ACAP1: variants seen among roughly 807,000 people sequenced by gnomAD.
ACAP1 encodes arf-GAP with coiled-coil, ANK repeat and PH domain-containing protein 1.
ACAP1 carries 45 observed loss-of-function variants against 98.8 expected under a neutral mutation model. That is an observed-to-expected ratio of 0.46 (90% CI 0.36 to 0.58). The LOEUF is 0.58. Ranked by LOEUF, ACAP1 falls within the 20% of genes least tolerant of loss-of-function variation. The pLI is 0.00. For synonymous variants in ACAP1, 362 were observed against 375.3 expected (o/e 0.96, Z 0.41); for missense variants, 735 against 971.4 (o/e 0.76, Z 3.24).
At chr17:7,341,272 C>G (rs1234966318) in intron 2 of ACAP1, among the ~76,000 whole-genome samples, 3 of 152,086 alleles carry the variant, frequency 2.0e-5, no homozygotes, top group Admixed American at 2.0e-4. Flanking sequence ...TGCCTTAGCC[C>G]CCCAGGTAAC....
intron 14 of ACAP1, 109 bp from the exon 15 acceptor site, chr17:7,347,813 C>T: frequency 1.1e-6 from 1 of 885,830 alleles, no homozygotes; most frequent in South Asian, 1.4e-5. Context: ...AGCACCTCTG[C>T]ACGGGCCCCC....
rs1285843374 is a variant in ACAP1, at chr17:7,348,408, G to A, written c.1611G>A (p.Arg537=). ...RGRRGGRGRP[R]GQPPVPPKPS... is the part of the protein sequence containing the mutation. ...GAAGAGGTGGCCGGGGGCGCCCAAGGGGGCAGCCTCCTGTGCCCCCAAAGC... is the reference window on the plus strand; with the variant it reads ...GAAGAGGTGGCCGGGGGCGCCCAAGAGGGCAGCCTCCTGTGCCCCCAAAGC... Residue 537 remains arginine (R), a synonymous_variant, in exon 17 of 22, where the codon AGG becomes AGA. Coordinates refer to ENST00000158762, the MANE Select transcript of ACAP1 (RefSeq NM_014716.4). 1.3e-6 allele frequency: 2 copies of A among 1,540,006 alleles called. No homozygotes were observed. Among genetic ancestry groups the A allele is most frequent in the Middle Eastern group, 3.5e-4 (2 of 5,752 alleles).
intron 2 of ACAP1, among the ~76,000 whole-genome samples, chr17:7,341,105 G>A (rs1284277316): frequency 6.6e-6 from 1 of 152,220 alleles, no homozygotes; most frequent in Non-Finnish European, 1.5e-5. Context: ...AACGTGCAGT[G>A]AGCACAGAAT....
Position 7,351,288 on chromosome 17 carries a change from C to G in ACAP1, c.2123-7C>G. ...AGCCGCCTCCCGGCCTTTCCTCCCT[C>G]CCCCAGGAGATGAGACGTATCTTGA... On this transcript the variant is annotated splice_region_variant and splice_polypyrimidine_tract_variant and intron_variant, in intron 21 of 21. Transcript: ENST00000158762. 6.2e-7 allele frequency: 1 copy of G among 1,609,952 alleles called. No individual in the cohort carries two copies. Among genetic ancestry groups the G allele is most frequent in the African/African-American group, 1.3e-5 (1 of 74,972 alleles).
intron 2 of ACAP1, among the ~76,000 whole-genome samples, chr17:7,340,825 A>G (rs1367692635): frequency 6.6e-6 from 1 of 152,174 alleles, no homozygotes; most frequent in Non-Finnish European, 1.5e-5. Context: ...CAGCTTGGGC[A>G]ACGGAGCAAA....
chr17:7,350,472 C>A lies in ACAP1; in HGVS notation c.2072+235C>A, dbSNP rs561440152. On this transcript the variant is annotated intron_variant, in intron 20 of 21. Transcript: ENST00000158762. The surrounding 1 kb of genome is among the most constrained non-coding windows in gnomAD (Gnocchi z 4.6). ...GCAGGGTGCAAGGATGCTTGGCCCA[C>A]CCTGAGAGGCGTAATTCGCCCATCA... The A allele has an allele frequency of 1.0e-4, 59 of 573,716 alleles. No individual in the cohort carries two copies. In the East Asian group the frequency reaches 1.7e-3, roughly 17 times the overall value. 35.5% of individuals were successfully genotyped at this position (573,716 alleles called of 1,614,324 possible). A position where few individuals can be genotyped will look rare whatever the true frequency, so the allele number is the denominator to read the frequency against.
rs756716611 is a variant in ACAP1, at chr17:7,336,756, G to A, written c.22G>A (p.Glu8Lys). ...TGAGATGACGGTCAAGCTGGATTTC[G>A]AGGAGTGTCTCAAGGACTCACCCCG... MTVKLDF[E>K]ECLKDSPRFR... Residue 8 changes from glutamate to lysine, a missense_variant, in exon 1 of 22, where the codon GAG becomes AAG. Physicochemically the swap from Glu to Lys is moderately conservative, Grantham distance 56 (BLOSUM62 1). Transcript: ENST00000158762. The A allele has an allele frequency of 8.1e-6, 13 of 1,613,802 alleles. No homozygotes were observed. Among genetic ancestry groups the A allele is most frequent in the African/African-American group, 1.3e-5 (1 of 74,900 alleles).
intron 14 of ACAP1, chr17:7,347,553 G>A (rs186965930): frequency 1.1e-4 from 56 of 505,786 alleles, no homozygotes; most frequent in South Asian, 6.4e-4. Context: ...GCAGAGAAAC[G>A]GTCATGAGGC....
Position 7,343,396 on chromosome 17 carries a change from G to T in ACAP1, c.362G>T (p.Arg121Leu), listed in dbSNP as rs184747187. The T allele has an allele frequency of 6.2e-7, 1 of 1,613,238 alleles. No homozygotes were observed. Residue 121 changes from arginine to leucine, a missense_variant, in exon 6 of 22, where the codon CGA (arginine) becomes CTA (leucine). Transcript: ENST00000158762. This position sits in a 1 kb window ranked among gnomAD's most constrained non-coding sequence, Gnocchi z 4.9. The part of the protein sequence containing the change: ...TLVKEGLRGF[R>L]EARRDFWRGA... ...ATCCTCAGAGGTCTGCGGGGTTTCC[G>T]AGAGGCTCGCCGGGATTTCTGGCGG...
Position 7,350,964 on chromosome 17 carries a change from A to C in ACAP1, c.2087A>C (p.Lys696Thr). ...ADIVTLLRLA[K>T]MREAEAAQGQ... is the part of the protein sequence containing the mutation. ...CTCCTCTTCAGGCTACGACTGGCAA[A>C]GATGAGGGAGGCTGAAGCGGCCCAG... The change falls in exon 21 of 22, where the codon AAG becomes ACG. Residue 696 changes from lysine (K) to threonine (T), a missense_variant. Physicochemically the swap from Lys to Thr is moderately conservative, Grantham distance 78. Coordinates refer to ENST00000158762, the MANE Select transcript of ACAP1 (RefSeq NM_014716.4). The surrounding 1 kb of genome is among the most constrained non-coding windows in gnomAD (Gnocchi z 4.6). The C allele has an allele frequency of 6.2e-7, 1 of 1,614,178 alleles. No homozygotes were observed. Among genetic ancestry groups the C allele is most frequent in the East Asian group, 2.2e-5 (1 of 44,880 alleles).
At chr17:7,340,946 G>T (rs1002908563) in intron 2 of ACAP1, among the ~76,000 whole-genome samples, 1 of 152,102 alleles carries the variant, frequency 6.6e-6, no homozygotes, top group Non-Finnish European at 1.5e-5. Flanking sequence ...CTCCCAAAGT[G>T]TTGAGATTAC....
In ACAP1 at chr17:7,343,858, C is replaced by T; in HGVS notation, c.574-3C>T. 2 of 1,613,964 alleles carry T rather than the reference C, an allele frequency of 1.2e-6. No individual in the cohort carries two copies. Among genetic ancestry groups the T allele is most frequent in the South Asian group, 1.1e-5 (1 of 91,080 alleles). On this transcript the variant is annotated splice_region_variant and splice_polypyrimidine_tract_variant and intron_variant, in intron 7 of 21. Transcript: ENST00000158762. The surrounding 1 kb of genome is among the most constrained non-coding windows in gnomAD (Gnocchi z 4.9). The stretch of plus-strand genomic sequence containing the variant: ...CCTTCCCACTGCCCGCCTTGTCCCC[C>T]AGGTGCTGCGTTTGGTGGAGGCCCA...
chr17:7,346,083 CCAATCTGCA>C, intron 10 of ACAP1, 152 bp from the exon 11 acceptor site: 1 of 712,670 alleles, frequency 1.4e-6, no homozygotes, highest in South Asian at 1.6e-5. Flanking sequence ...TTTAGATGTT[CCAATCTGCA>C]CAATTGTCCA....
rs1438718703 is a variant in ACAP1 at position 7,343,236 on chromosome 17, G to A, written c.345-143G>A. ...AGTTGTGAGATTGGGGGTTTCTGGTGTCCTGACTTCCGTCCCAGGGATCAC... is the reference window on the plus strand; with the variant it reads ...AGTTGTGAGATTGGGGGTTTCTGGTATCCTGACTTCCGTCCCAGGGATCAC... On this transcript the variant is annotated intron_variant, in intron 5 of 21. Coordinates refer to ENST00000158762, the MANE Select transcript of ACAP1 (RefSeq NM_014716.4). The surrounding 1 kb of genome is among the most constrained non-coding windows in gnomAD (Gnocchi z 4.9). 2.5e-6 allele frequency: 2 copies of A among 814,936 alleles called. No individual in the cohort carries two copies. Among genetic ancestry groups the A allele is most frequent in the Admixed American group, 2.6e-5 (1 of 38,270 alleles). The allele number at this position is 814,936 out of a possible 1,614,324, so 50.5% of individuals were successfully genotyped here. A position where few individuals can be genotyped will look rare whatever the true frequency, so the allele number is the denominator to read the frequency against.
intron 14 of ACAP1, 108 bp downstream of exon 14, chr17:7,347,350 C>T (rs576106073): frequency 8.0e-6 from 9 of 1,123,494 alleles, no homozygotes; most frequent in African/African-American, 1.6e-5. Flanking sequence ...CTGGCTTCCT[C>T]TCTTAGCTTC....
In ACAP1 at chr17:7,348,430, A is replaced by T. The variant is rs1159410192; in HGVS notation, c.1633A>T (p.Lys545Ter). The part of the protein sequence containing the change: ...RPRGQPPVPP[K>*]PSIRPRPGSL... Reference sequence around the variant, plus strand: ...AAGGGGGCAGCCTCCTGTGCCCCCAAAGCCTTCCATCAGGCCCCGGCCAGG... The same window carrying T: ...AAGGGGGCAGCCTCCTGTGCCCCCATAGCCTTCCATCAGGCCCCGGCCAGG... The change falls in exon 17 of 22, where the codon AAG becomes TAG. Residue 545 changes from lysine (K) to a stop codon, truncating the protein, a stop_gained. Coordinates refer to ENST00000158762, the MANE Select transcript of ACAP1 (RefSeq NM_014716.4). LOFTEE classifies it high-confidence loss of function. The T allele has an allele frequency of 1.3e-6, 2 of 1,509,018 alleles. No individual in the cohort carries two copies. The highest frequency in any genetic ancestry group is 1.8e-6 in the Non-Finnish European group (2 of 1,130,566). The allele number at this position is 1,509,018 out of a possible 1,614,324, so 93.5% of individuals were successfully genotyped here.
At chr17:7,337,432 G>A in intron 2 of ACAP1, 63 bp downstream of exon 2, 1 of 1,413,412 alleles carries the variant, frequency 7.1e-7, no homozygotes. Flanking sequence ...GGGCCAGGGA[G>A]AAAGCTGGAG....
rs1194341126 is a variant in ACAP1 at position 7,347,096 on chromosome 17, G to A, written c.1197G>A (p.Arg399=). 6 of 1,613,114 alleles carry A rather than the reference G, an allele frequency of 3.7e-6. No homozygotes were observed. Among genetic ancestry groups the A allele is most frequent in the Non-Finnish European group, 5.1e-6 (6 of 1,179,478 alleles). The change falls in exon 14 of 22, where the codon AGG becomes AGA. Residue 399 remains arginine, a synonymous_variant. Coordinates refer to ENST00000158762, the MANE Select transcript of ACAP1 (RefSeq NM_014716.4). The part of the protein sequence containing the change: ...TLGSGGMARG[R]EPGGVGHVVA... ...GCTCTGGTGGAATGGCCAGGGGAAG[G>A]GAGCCTGGGGGAGTCGGGCACGTGG...
chr17:7,342,349 A>T (rs1363370363), intron 4 of ACAP1, 21 bp downstream of exon 4: 1 of 1,614,064 alleles, frequency 6.2e-7, no homozygotes, highest in Admixed American at 1.7e-5. Flanking sequence ...GAAGGTAAGG[A>T]TTGTCGGGGT....
Sources: allele counts gnomAD v4.1 joint callset (sites outside exome capture counted in the v4.1 genomes callset), GRCh38; gene constraint gnomAD v4.1.1; non-coding constraint Gnocchi (gnomAD v3.1); transcripts MANE v1.5; gene names NCBI Gene and HGNC (gene_info 2026-07-23, HGNC 2026-07-21).